KDM2B: variants seen among roughly 807,000 people sequenced by gnomAD.
KDM2B encodes the protein lysine demethylase 2B.
KDM2B carries 26 observed loss-of-function variants against 150.0 expected under a neutral mutation model. The observed-to-expected ratio is 0.17, with a 90% confidence interval of 0.13 to 0.24. The LOEUF is 0.24. Ranked by LOEUF, KDM2B falls within the 10% of genes least tolerant of loss-of-function variation. The pLI, the probability that KDM2B is intolerant of heterozygous loss-of-function variation, is 1.00. For missense variants in KDM2B, 1,265 were observed against 1,816.9 expected, an observed-to-expected ratio of 0.70 and a Z score of 5.52; for synonymous variants, 734 against 729.5, an observed-to-expected ratio of 1.01 and a Z score of -0.10.
the KDM2B span, among the ~76,000 whole-genome samples, chr12:121,415,565 G>A: frequency 1.4e-4 from 22 of 152,096 alleles, no homozygotes; most frequent in Admixed American, 2.6e-4. Context: ...GCAGTGAGCC[G>A]AGATTGCGCC....
At chr12:121,519,327 TTG>T (rs1886492078) in intron 9 of KDM2B, among the ~76,000 whole-genome samples, 1 of 152,196 alleles carries the variant, frequency 6.6e-6, no homozygotes, top group South Asian at 2.1e-4. Flanking sequence ...GCAGGTGCCC[TTG>T]TGAGACCTCT....
Position 121,445,262 on chromosome 12 carries a change from C to G in KDM2B, c.2103+13G>C, listed in dbSNP as rs782598013. On this transcript the variant is annotated intron_variant, in intron 14 of 22. Coordinates refer to ENST00000377071, the MANE Select transcript of KDM2B (RefSeq NM_032590.5). Reference sequence around the variant, plus strand: ...AGAGCGTCAGCACCACCTGTCCCCACTGGGCCACTCACCTTAAGGCATCCA... The same window carrying G: ...AGAGCGTCAGCACCACCTGTCCCCAGTGGGCCACTCACCTTAAGGCATCCA... The G allele has an allele frequency of 3.7e-6, 6 of 1,612,654 alleles. No individual in the cohort carries two copies. The highest frequency in any genetic ancestry group is 5.1e-6 in the Non-Finnish European group (6 of 1,179,108).
Position 121,520,236 on chromosome 12 carries a change from T to G in KDM2B, c.1047+749A>C, listed in dbSNP as rs1467118604. On this transcript the variant is annotated intron_variant, in intron 9 of 22. Transcript: ENST00000377071. The surrounding 1 kb of genome is among the most constrained non-coding windows in gnomAD (Gnocchi z 4.5). ...CAGTTTGGGACCTGTCTTATGTGCC[T>G]AGGGACACGTGATCAAGTCCTAGCA... Among the ~76,000 whole-genome samples the G allele has an allele frequency of 2.0e-5, 3 of 152,216 alleles. No individual in the cohort carries two copies. The East Asian group carries it at 5.8e-4, about 29-fold the overall frequency.
At chr12:121,492,143 G>A (rs1883436492) in intron 12 of KDM2B, among the ~76,000 whole-genome samples, 1 of 152,048 alleles carries the variant, frequency 6.6e-6, no homozygotes, top group East Asian at 1.9e-4. Context: ...GGGCAACAGA[G>A]TTAAGACTCT....
chr12:121,471,314 T>C (rs1880748032), intron 12 of KDM2B, among the ~76,000 whole-genome samples: 1 of 152,178 alleles, frequency 6.6e-6, no homozygotes, highest in South Asian at 2.1e-4. Context: ...CCCAGCCAGT[T>C]GGATCCAGAA....
chr12:121,525,229 T>A (rs563671718), intron 8 of KDM2B, among the ~76,000 whole-genome samples: 55 of 152,232 alleles, frequency 3.6e-4, no homozygotes, highest in African/African-American at 1.3e-3. Flanking sequence ...CGCCACCCCA[T>A]GTTTAAAAAT....
chr12:121,450,805 G>A (rs1409791183), intron 13 of KDM2B, among the ~76,000 whole-genome samples: 9 of 151,900 alleles, frequency 5.9e-5, no homozygotes, highest in Non-Finnish European at 8.8e-5. Context: ...AGCTTGCAGT[G>A]AGCCGAGATC....
At chr12:121,576,549 G>T (rs1299982863) in intron 2 of KDM2B, among the ~76,000 whole-genome samples, 1 of 152,058 alleles carries the variant, frequency 6.6e-6, no homozygotes, top group Non-Finnish European at 1.5e-5. Flanking sequence ...CTGTGTAAAG[G>T]GGGCATAGCA....
chr12:121,415,373 C>T, the KDM2B span: 2 of 308,938 alleles, frequency 6.5e-6, no homozygotes, highest in Non-Finnish European at 1.4e-5. Context: ...GTAATCTGAG[C>T]ACTTCAGGAG....
At position 121,575,660 on chromosome 12, in the gene KDM2B, C is replaced by T. The variant is rs1297490097; in HGVS notation, c.350+121G>A. On this transcript the variant is annotated intron_variant, in intron 3 of 22. Coordinates refer to ENST00000377071, the MANE Select transcript of KDM2B (RefSeq NM_032590.5). This position sits in a 1 kb window ranked among gnomAD's most constrained non-coding sequence, Gnocchi z 4.4. Reference sequence around the variant, plus strand: ...GAACAAGGAGATGCTGTTCCCAGATCGTGAAAAAAGATCCTTCTCAGTGAT... The same window carrying T: ...GAACAAGGAGATGCTGTTCCCAGATTGTGAAAAAAGATCCTTCTCAGTGAT... The T allele has an allele frequency of 1.1e-5, 8 of 750,236 alleles. No individual in the cohort carries two copies. The highest frequency in any genetic ancestry group is 1.7e-5 in the African/African-American group (1 of 57,914). 46.5% of individuals were successfully genotyped at this position (750,236 alleles called of 1,614,324 possible).
chr12:121,418,453 G>T, the KDM2B span: 36 of 153,202 alleles, frequency 2.3e-4, 1 homozygote, highest in East Asian at 6.2e-3. Context: ...ACATGTAAAG[G>T]CTTGTAATTA....
In KDM2B at chr12:121,430,360, C is replaced by A; in HGVS notation, c.3939G>T (p.Gln1313His). 2.5e-6 allele frequency: 4 copies of A among 1,614,176 alleles called. No individual in the cohort carries two copies. The highest frequency in any genetic ancestry group is 3.4e-6 in the Non-Finnish European group (4 of 1,180,024). ...CACTCACAGACATCTCGGCTATGAA[C>A]TGCTCACAGCCTTCCTTGGTGACTT... The part of the protein sequence containing the change: ...CKQVTKEGCE[Q>H]FIAEMSVSVQ... Residue 1313 changes from glutamine to histidine, a missense_variant, in exon 23 of 23, where the codon CAG becomes CAT. By Grantham distance (24) the Gln-to-His change is conservative. Coordinates refer to ENST00000377071, the MANE Select transcript of KDM2B (RefSeq NM_032590.5). The surrounding 1 kb of genome is among the most constrained non-coding windows in gnomAD (Gnocchi z 4.4).
At position 121,546,826 on chromosome 12, in the gene KDM2B, C is replaced by A. The variant is rs115466796; in HGVS notation, c.683+2051G>T. Among the ~76,000 whole-genome samples the A allele has an allele frequency of 8.6e-3, 1,304 of 151,230 alleles. 20 individuals carry two copies. Among genetic ancestry groups the A allele is most frequent in the African/African-American group, 0.03 (1,220 of 41,214 alleles). On this transcript the variant is annotated intron_variant, in intron 6 of 22. Transcript: ENST00000377071. The stretch of plus-strand genomic sequence containing the variant: ...GTTCAAGCAAATCTTCTGCTTCCTG[C>A]AGCTGGGACTACAGGCACCCACCAC...
At chr12:121,443,969 G>A in intron 16 of KDM2B, 43 bp downstream of exon 16, 1 of 1,570,576 alleles carries the variant, frequency 6.4e-7, no homozygotes, top group Non-Finnish European at 8.6e-7. Flanking sequence ...CCCGGGACCA[G>A]CCAGACCAAC....
At chr12:121,420,383 G>A in the KDM2B span, 12 of 1,554,250 alleles carry the variant, frequency 7.7e-6, no homozygotes, top group Admixed American at 3.9e-5. Flanking sequence ...AGCCTGACAG[G>A]AAGGGACAGT....
intron 12 of KDM2B, among the ~76,000 whole-genome samples, chr12:121,485,612 G>A (rs1555298742): frequency 6.6e-6 from 1 of 151,876 alleles, no homozygotes; most frequent in Non-Finnish European, 1.5e-5. Context: ...CCGTCGGGGG[G>A]CAGTGGGAGG....
chr12:121,524,473 G>A (rs1340123713), intron 8 of KDM2B, among the ~76,000 whole-genome samples: 5 of 152,168 alleles, frequency 3.3e-5, no homozygotes, highest in African/African-American at 7.2e-5. Flanking sequence ...GGATCTGCAC[G>A]CCCAGACACT....
At chr12:121,501,472 T>G (rs1555301913) in intron 11 of KDM2B, among the ~76,000 whole-genome samples, 1 of 152,152 alleles carries the variant, frequency 6.6e-6, no homozygotes, top group East Asian at 1.9e-4. Flanking sequence ...ATCCAAGGAA[T>G]ACCAAGAGCT....
chr12:121,483,485 C>A (rs557890780), intron 12 of KDM2B, among the ~76,000 whole-genome samples: 1 of 151,996 alleles, frequency 6.6e-6, no homozygotes, highest in South Asian at 2.1e-4. Flanking sequence ...CCAGCCTTGG[C>A]AGCATGGCAA....
Sources: gnomAD v4.1 joint callset for allele counts (sites outside exome capture counted in the v4.1 genomes callset) on GRCh38, gnomAD v4.1.1 for gene constraint, Gnocchi (gnomAD v3.1) non-coding constraint, MANE v1.5 for transcripts, NCBI Gene and HGNC (gene_info 2026-07-23, HGNC 2026-07-21) for gene names.